The following CADM2 variants were observed in gnomAD, a reference collection of about 807,000 sequenced individuals.
CADM2 encodes immunoglobulin superfamily member 4D.
CADM2 carries 12 observed loss-of-function variants against 49.8 expected under a neutral mutation model. The ratio of observed to expected loss-of-function variants is 0.24; its 90% CI spans 0.15 to 0.39. The LOEUF (loss-of-function observed/expected upper bound fraction) is 0.39. Ranked by LOEUF, CADM2 falls within the 10% of genes least tolerant of loss-of-function variation. The pLI is 1.00. For synonymous variants in CADM2, 214 were observed against 175.4 expected, an observed-to-expected ratio of 1.22 and a Z score of -1.74; for missense variants, 378 against 492.3, an observed-to-expected ratio of 0.77 and a Z score of 2.20.
chr3:85,536,655 T>C (rs1010685078), intron 1 of CADM2, among the ~76,000 whole-genome samples: 2 of 152,106 alleles, frequency 1.3e-5, no homozygotes, highest in Non-Finnish European at 2.9e-5. Flanking sequence ...CTGAGAATCT[T>C]TGTAGTGACC....
chr3:85,576,543 A>C (rs561733159), intron 1 of CADM2, among the ~76,000 whole-genome samples: 1 of 152,230 alleles, frequency 6.6e-6, no homozygotes, highest in East Asian at 1.9e-4. Flanking sequence ...TGGAGGCACA[A>C]ACATACTCAT....
intron 1 of CADM2, among the ~76,000 whole-genome samples, chr3:85,435,008 A>ATTTAT (rs1169628844): frequency 1.3e-5 from 2 of 151,954 alleles, no homozygotes; most frequent in Non-Finnish European, 2.9e-5. Context: ...TGATTTTATC[A>ATTTAT]TTTATTTTAT....
At chr3:85,877,682 C>CTTT (rs1181629793) in intron 3 of CADM2, among the ~76,000 whole-genome samples, 15 of 78,728 alleles carry the variant, frequency 1.9e-4, no homozygotes, top group East Asian at 1.3e-3. Flanking sequence ...TTTTTTTCTT[C>CTTT]TGTTTTTTTT....
intron 8 of CADM2, among the ~76,000 whole-genome samples, chr3:85,964,650 C>A (rs1364093098): frequency 6.6e-6 from 1 of 151,578 alleles, no homozygotes; most frequent in Non-Finnish European, 1.5e-5. Context: ...AAAATTTATC[C>A]TCAATGAAAG....
At chr3:84,992,165 A>G (rs1435186754) in intron 1 of CADM2, among the ~76,000 whole-genome samples, 1 of 152,104 alleles carries the variant, frequency 6.6e-6, no homozygotes, top group African/African-American at 2.4e-5. Flanking sequence ...GAGGATGATA[A>G]TGAGGAGGCT....
chr3:85,073,190 T>C (rs995192390), intron 1 of CADM2, among the ~76,000 whole-genome samples: 6 of 152,128 alleles, frequency 3.9e-5, no homozygotes, highest in African/African-American at 1.4e-4. Context: ...GACCTGAAGG[T>C]GCGTTGAGTT....
chr3:85,332,897 A>G (rs918073326), intron 1 of CADM2, among the ~76,000 whole-genome samples: 1 of 151,952 alleles, frequency 6.6e-6, no homozygotes, highest in African/African-American at 2.4e-5. Context: ...GTTGATAAAT[A>G]TGTATGAATT....
chr3:85,822,954 C>T (rs1044680671), intron 3 of CADM2, among the ~76,000 whole-genome samples: 1 of 152,112 alleles, frequency 6.6e-6, no homozygotes, highest in South Asian at 2.1e-4. Context: ...TTTGCTTGGT[C>T]CTTTGATCCT....
chr3:85,853,260 A>G lies in CADM2; in HGVS notation c.239-30031A>G, dbSNP rs1166997837. Among the ~76,000 whole-genome samples, 7 of 152,108 alleles carry G rather than the reference A, an allele frequency of 4.6e-5. No individual in the cohort carries two copies. The East Asian group carries it at 1.4e-3, about 29-fold the overall frequency. On this transcript the variant is annotated intron_variant, in intron 3 of 9. Coordinates refer to ENST00000383699, the MANE Select transcript of CADM2 (RefSeq NM_001167675.2). ...TCTACATAACCATTGTATATATATT[A>G]AAAGAGGCATTAGAAACCAAGGGGT... is the stretch of plus-strand genomic sequence containing the variant.
intron 1 of CADM2, among the ~76,000 whole-genome samples, chr3:84,979,373 T>C (rs530793060): frequency 1.3e-5 from 2 of 152,264 alleles, no homozygotes; most frequent in South Asian, 4.1e-4. Context: ...TATCTAAGTA[T>C]ATAAATCAAT....
At chr3:85,935,657 A>G in intron 6 of CADM2, 110 bp from the exon 7 acceptor site, 1 of 461,552 alleles carries the variant, frequency 2.2e-6, no homozygotes, top group South Asian at 7.0e-5. Flanking sequence ...AAATATACAC[A>G]ATTATAAATA....
intron 1 of CADM2, among the ~76,000 whole-genome samples, chr3:85,232,364 C>T (rs1331528977): frequency 6.6e-6 from 1 of 151,916 alleles, no homozygotes; most frequent in African/African-American, 2.4e-5. Context: ...ATATCTCATA[C>T]AAATATACAT....
chr3:85,856,933 A>G (rs1361818762), intron 3 of CADM2, among the ~76,000 whole-genome samples: 2 of 152,180 alleles, frequency 1.3e-5, no homozygotes, highest in African/African-American at 2.4e-5. Context: ...TTTCTGAAGG[A>G]TGTTGTCTTG....
intron 1 of CADM2, among the ~76,000 whole-genome samples, chr3:85,699,193 T>C (rs892033550): frequency 6.6e-6 from 1 of 152,184 alleles, no homozygotes; most frequent in Admixed American, 6.5e-5. Flanking sequence ...CTTGGACAGC[T>C]CTGCCCCTGT....
intron 3 of CADM2, among the ~76,000 whole-genome samples, chr3:85,814,326 T>A (rs1476970107): frequency 6.6e-6 from 1 of 152,174 alleles, no homozygotes; most frequent in Non-Finnish European, 1.5e-5. Flanking sequence ...AGTTCACTCA[T>A]GATTTGGTCT....
chr3:85,103,169 G>T (rs1364565829), intron 1 of CADM2, among the ~76,000 whole-genome samples: 1 of 152,086 alleles, frequency 6.6e-6, no homozygotes, highest in Non-Finnish European at 1.5e-5. Flanking sequence ...CTGCAGACTA[G>T]GAATATCTAT....
chr3:85,741,178 G>A (rs2068368088), intron 2 of CADM2, among the ~76,000 whole-genome samples: 1 of 152,114 alleles, frequency 6.6e-6, no homozygotes, highest in Admixed American at 6.5e-5. Flanking sequence ...CTAAGCATCT[G>A]AGATGTTTAG....
intron 1 of CADM2, among the ~76,000 whole-genome samples, chr3:85,008,205 A>G (rs2107241179): frequency 6.6e-6 from 1 of 152,280 alleles, no homozygotes; most frequent in South Asian, 2.1e-4. Flanking sequence ...CTCGTAATCT[A>G]TTTATAGCTA....
chr3:86,009,476 C>G lies in CADM2; in HGVS notation c.970+47829C>G, dbSNP rs1256609270. ...CTTATTTTTGGAGTGCCAGCACCCTCTACTTCAGATAGGATACTTTTAAAT... is the reference window on the plus strand; with the variant it reads ...CTTATTTTTGGAGTGCCAGCACCCTGTACTTCAGATAGGATACTTTTAAAT... On this transcript the variant is annotated intron_variant, in intron 8 of 9. Coordinates refer to ENST00000383699, the MANE Select transcript of CADM2 (RefSeq NM_001167675.2). 9.9e-5 allele frequency among the ~76,000 whole-genome samples: 15 copies of G among 151,562 alleles called. No homozygotes were observed. In the East Asian group the frequency reaches 2.7e-3, roughly 27 times the overall value.
Sources: gnomAD v4.1 joint callset for allele counts (sites outside exome capture counted in the v4.1 genomes callset) on GRCh38, gnomAD v4.1.1 for gene constraint, MANE v1.5 for transcripts, NCBI Gene and HGNC (gene_info 2026-07-23, HGNC 2026-07-21) for gene names.